ATP6V1H: variants seen among roughly 807,000 people sequenced by gnomAD.
The protein encoded by ATP6V1H is ATPase H+ transporting V1 subunit H.
A neutral mutation model predicts 71.7 loss-of-function variants in ATP6V1H; 39 were observed. The observed-to-expected ratio is 0.54, with a 90% CI of 0.42 to 0.71. ATP6V1H has a LOEUF of 0.71. Ranked by LOEUF, ATP6V1H falls within the 30% of genes least tolerant of loss-of-function variation. The probability of loss-of-function intolerance (pLI) is 0.00; values close to 1 mark genes in which losing one functional copy is unlikely to be tolerated. For synonymous variants in ATP6V1H, 192 were observed against 199.3 expected (o/e 0.96, Z 0.31); for missense variants, 509 against 594.9 (o/e 0.86, Z 1.50).
chr8:53,731,762 G>A (rs1040108606), intron 13 of ATP6V1H, among the ~76,000 whole-genome samples: 12 of 152,256 alleles, frequency 7.9e-5, no homozygotes, highest in Non-Finnish European at 1.3e-4. Context: ...CCCTGACCGG[G>A]AAGCGAGGTA....
intron 4 of ATP6V1H, 94 bp downstream of exon 4, chr8:53,829,350 A>G: frequency 3.8e-6 from 3 of 782,342 alleles, no homozygotes; most frequent in Non-Finnish European, 6.5e-6. Flanking sequence ...GAAGAGAACA[A>G]ATGTTCTAAG....
chr8:53,751,114 C>CT (rs1474871626), intron 12 of ATP6V1H, among the ~76,000 whole-genome samples: 1 of 149,900 alleles, frequency 6.7e-6, no homozygotes, highest in Non-Finnish European at 1.5e-5. Context: ...AGTCTGGGCA[C>CT]TTACCCACTG....
At chr8:53,785,721 G>A (rs1809356575) in intron 9 of ATP6V1H, among the ~76,000 whole-genome samples, 1 of 152,114 alleles carries the variant, frequency 6.6e-6, no homozygotes, top group Non-Finnish European at 1.5e-5. Flanking sequence ...TTTTTGGAGT[G>A]GATGTCCTTT....
chr8:53,734,777 C>T (rs994242564), intron 13 of ATP6V1H, among the ~76,000 whole-genome samples: 1 of 152,114 alleles, frequency 6.6e-6, no homozygotes, highest in African/African-American at 2.4e-5. Flanking sequence ...CGCTACCGGG[C>T]GTCAGTCACA....
chr8:53,841,444 T>C (rs1437850005), intron 2 of ATP6V1H, 134 bp downstream of exon 2: 5 of 1,080,852 alleles, frequency 4.6e-6, no homozygotes, highest in Non-Finnish European at 6.7e-6. Context: ...AGACAGCTAA[T>C]TATTCTGAAG....
intron 9 of ATP6V1H, among the ~76,000 whole-genome samples, chr8:53,774,099 G>A (rs907538114): frequency 2.0e-5 from 3 of 152,178 alleles, no homozygotes; most frequent in African/African-American, 7.2e-5. Flanking sequence ...GAATGGGGCT[G>A]ATATTTTATT....
intron 13 of ATP6V1H, among the ~76,000 whole-genome samples, chr8:53,732,683 G>C (rs1226059167): frequency 3.4e-5 from 5 of 147,890 alleles, no homozygotes. Context: ...AAAAAAAAAA[G>C]TAACAGTAAG....
chr8:53,740,367 T>C lies in ATP6V1H; in HGVS notation c.1391+3210A>G, dbSNP rs541764686. ...AACAAAAACTTCAGGAATAATGCAA[T>C]ATCAAAAACCTAAAAATCCTTTAGG... On this transcript the variant is annotated intron_variant, in intron 13 of 13. Coordinates refer to ENST00000359530, the MANE Select transcript of ATP6V1H (RefSeq NM_015941.4). 3.3e-5 allele frequency among the ~76,000 whole-genome samples: 5 copies of C among 152,328 alleles called. 1 individual carries two copies. The South Asian group carries it at 1.0e-3, about 32-fold the overall frequency.
At chr8:53,751,893 C>T (rs568683335) in intron 12 of ATP6V1H, among the ~76,000 whole-genome samples, 1 of 152,252 alleles carries the variant, frequency 6.6e-6, no homozygotes, top group East Asian at 1.9e-4. Context: ...TGTTCTTGAA[C>T]TCCTGACCTC....
Position 53,720,715 on chromosome 8 carries a change from T to C in ATP6V1H, c.1392-4691A>G, listed in dbSNP as rs1806583352. On this transcript the variant is annotated intron_variant, in intron 13 of 13. Transcript: ENST00000359530. Reference sequence around the variant, plus strand: ...ACATGGTAACTTCAGCTGTGTAACTTAGTGATAGGAAAAAAGTGATTTTCT... The same window carrying C: ...ACATGGTAACTTCAGCTGTGTAACTCAGTGATAGGAAAAAAGTGATTTTCT... 3.3e-5 allele frequency among the ~76,000 whole-genome samples: 5 copies of C among 152,332 alleles called. No individual in the cohort carries two copies. In the South Asian group the frequency reaches 6.2e-4, roughly 19 times the overall value.
chr8:53,824,007 A>G (rs1176109542), intron 4 of ATP6V1H, among the ~76,000 whole-genome samples: 2 of 152,014 alleles, frequency 1.3e-5, no homozygotes, highest in African/African-American at 2.4e-5. Context: ...GAAAAAAAAA[A>G]AGCAGAAAGC....
At chr8:53,807,135 T>C (rs1370013345) in intron 7 of ATP6V1H, among the ~76,000 whole-genome samples, 1 of 152,208 alleles carries the variant, frequency 6.6e-6, no homozygotes, top group Non-Finnish European at 1.5e-5. Context: ...GATGGACTTA[T>C]AATCAAAGCA....
chr8:53,796,622 A>G (rs1332396298), intron 8 of ATP6V1H, among the ~76,000 whole-genome samples: 43 of 152,340 alleles, frequency 2.8e-4, no homozygotes, highest in Non-Finnish European at 8.8e-5. Flanking sequence ...AAGAGCTCGA[A>G]GACCATAGAA....
intron 11 of ATP6V1H, among the ~76,000 whole-genome samples, chr8:53,765,416 A>G (rs1157369745): frequency 1.2e-4 from 16 of 129,550 alleles, no homozygotes; most frequent in South Asian, 4.7e-4. Flanking sequence ...AAAAAAAAAA[A>G]GGGCAGGGCG....
chr8:53,718,049 G>A (rs1316135539), intron 13 of ATP6V1H, among the ~76,000 whole-genome samples: 1 of 152,144 alleles, frequency 6.6e-6, no homozygotes, highest in East Asian at 1.9e-4. Flanking sequence ...GCTCAGGCAG[G>A]GAACTGGTAA....
chr8:53,745,315 T>G (rs1807559146), intron 12 of ATP6V1H, among the ~76,000 whole-genome samples: 1 of 152,072 alleles, frequency 6.6e-6, no homozygotes, highest in African/African-American at 2.4e-5. Flanking sequence ...GTGGGAAGAT[T>G]GCTTGAGCCC....
intron 9 of ATP6V1H, among the ~76,000 whole-genome samples, chr8:53,792,667 G>C (rs1809603820): frequency 6.6e-6 from 1 of 152,222 alleles, no homozygotes; most frequent in Non-Finnish European, 1.5e-5. Context: ...GCAGATCTCA[G>C]TGAAATTCCA....
intron 13 of ATP6V1H, among the ~76,000 whole-genome samples, chr8:53,717,177 C>A (rs908886195): frequency 1.3e-5 from 2 of 152,230 alleles, no homozygotes; most frequent in African/African-American, 4.8e-5. Flanking sequence ...CACAGTGGTC[C>A]AGAAGAGGGC....
chr8:53,814,990 T>C (rs977185057), intron 5 of ATP6V1H, among the ~76,000 whole-genome samples: 1 of 152,222 alleles, frequency 6.6e-6, no homozygotes, highest in Non-Finnish European at 1.5e-5. Context: ...AGCTGGGTCT[T>C]AGGAATTTCT....
Sources: gnomAD v4.1 joint callset for allele counts (sites outside exome capture counted in the v4.1 genomes callset) on GRCh38, gnomAD v4.1.1 for gene constraint, MANE v1.5 for transcripts, NCBI Gene and HGNC (gene_info 2026-07-23, HGNC 2026-07-21) for gene names.